GRPR: variants seen among roughly 807,000 people sequenced by gnomAD.
GRPR encodes gastrin-releasing peptide receptor.
Under a neutral mutation model 15.6 loss-of-function variants are expected in GRPR, and 4 were observed. That is an observed-to-expected ratio of 0.26 (90% CI 0.13 to 0.59). The LOEUF is 0.59. Ranked by LOEUF, GRPR falls within the 20% of genes least tolerant of loss-of-function variation. GRPR has a pLI of 0.90. For missense variants in GRPR, 270 were observed against 304.1 expected (o/e 0.89, Z 0.83); for synonymous variants, 128 against 126.8 (o/e 1.01, Z -0.06).
Position 16,150,605 on chromosome X carries a change from C to T in GRPR, c.714C>T (p.Ile238=), listed in dbSNP as rs1225246389. ...VYYYFIAKNL[I]QSAYNLPVEG... is the part of the protein sequence containing the mutation. ...ACTACTTCATTGCTAAAAATCTGAT[C>T]CAGAGTGCTTACAATCTTCCCGTGG... is the stretch of plus-strand genomic sequence containing the variant. Residue 238 remains isoleucine, a synonymous_variant, in exon 2 of 3, where the codon ATC becomes ATT. Coordinates refer to ENST00000380289, the MANE Select transcript of GRPR (RefSeq NM_005314.3). 4.2e-6 allele frequency: 5 copies of T among 1,197,497 alleles called. No homozygotes were observed. The highest frequency in any genetic ancestry group is 5.9e-5 in the East Asian group (2 of 33,816).
intron 1 of GRPR, among the ~76,000 whole-genome samples, chrX:16,130,145 C>G (rs1922356354): frequency 8.9e-6 from 1 of 111,819 alleles, no homozygotes; most frequent in South Asian, 3.8e-4. Context: ...CAAATCTATC[C>G]TGTACTACTA....
chrX:16,152,694 G>C lies in GRPR; in HGVS notation c.*49G>C, dbSNP rs777508362. 9.3e-7 allele frequency: 1 copy of C among 1,074,338 alleles called. No homozygotes were observed. The allele number at this position is 1,074,338 out of a possible 1,213,427, so 88.5% of individuals were successfully genotyped here. On this transcript the variant is annotated 3_prime_UTR_variant, in exon 3 of 3. Transcript: ENST00000380289. Reference sequence around the variant, plus strand: ...GAGGGACGGTTTTGCTTTATGGCTAGACAGGAACCCTTGCATCCATTGTTG... The same window carrying C: ...GAGGGACGGTTTTGCTTTATGGCTACACAGGAACCCTTGCATCCATTGTTG...
At chrX:16,138,720 A>G (rs752035061) in intron 1 of GRPR, among the ~76,000 whole-genome samples, 47 of 111,325 alleles carry the variant, frequency 4.2e-4, no homozygotes, top group Non-Finnish European at 8.1e-4. Flanking sequence ...TCTTTTTAAA[A>G]TTGTACTGGG....
intron 2 of GRPR, among the ~76,000 whole-genome samples, chrX:16,151,740 G>C (rs1434273085): frequency 8.9e-6 from 1 of 112,078 alleles, no homozygotes; most frequent in Non-Finnish European, 1.9e-5. Flanking sequence ...TAATAATAGA[G>C]AGTTATCTTG....
intron 1 of GRPR, among the ~76,000 whole-genome samples, chrX:16,149,652 A>G (rs902644715): frequency 2.2e-3 from 237 of 107,781 alleles, no homozygotes; most frequent in Non-Finnish European, 3.4e-3. Flanking sequence ...TGCCAAAAAA[A>G]AAAAAAAAAA....
intron 1 of GRPR, among the ~76,000 whole-genome samples, chrX:16,128,371 C>T (rs923659465): frequency 2.7e-5 from 3 of 110,579 alleles, no homozygotes; most frequent in Non-Finnish European, 5.7e-5. Context: ...AAAAATTAGC[C>T]GGGTGTGGTG....
Position 16,152,733 on chromosome X carries a change from C to A in GRPR, c.*88C>A. The A allele has an allele frequency of 5.5e-5, 44 of 793,295 alleles. No individual in the cohort carries two copies. Among genetic ancestry groups the A allele is most frequent in the Non-Finnish European group, 8.1e-5 (42 of 520,147 alleles). 65.4% of individuals were successfully genotyped at this position (793,295 alleles called of 1,213,427 possible). On this transcript the variant is annotated 3_prime_UTR_variant, in exon 3 of 3. Coordinates refer to ENST00000380289, the MANE Select transcript of GRPR (RefSeq NM_005314.3). ...CATCCATTGTTGTGTCTGTGCCCTC[C>A]AAAGAGCCTTCAGAATGCTCCTGAG...
At chrX:16,146,520 A>G (rs1171819770) in intron 1 of GRPR, among the ~76,000 whole-genome samples, 1 of 111,633 alleles carries the variant, frequency 9.0e-6, no homozygotes, top group African/African-American at 3.3e-5. Context: ...TTATATTTCC[A>G]GCATCTATTA....
At chrX:16,146,726 G>A (rs1922611199) in intron 1 of GRPR, among the ~76,000 whole-genome samples, 1 of 111,953 alleles carries the variant, frequency 8.9e-6, no homozygotes, top group African/African-American at 3.2e-5. Flanking sequence ...TAGGCCAGAA[G>A]AGGAAATAGA....
intron 1 of GRPR, among the ~76,000 whole-genome samples, chrX:16,139,470 T>TG (rs1051218660): frequency 3.6e-5 from 4 of 111,793 alleles, no homozygotes; most frequent in African/African-American, 9.7e-5. Context: ...GATTTTTTTT[T>TG]TTTTTACTTG....
intron 1 of GRPR, among the ~76,000 whole-genome samples, chrX:16,148,844 T>C (rs1922646052): frequency 9.0e-6 from 1 of 110,956 alleles, no homozygotes. Context: ...GTATGGGGAG[T>C]GTGCAGACAT....
rs185468397 is a variant in GRPR, at chrX:16,131,616, A to G, written c.413+7250A>G. ...ATTCTATCATGCCCCTTTGTAATCT[A>G]TCTCCTTCCTCCACCTACAGATCCT... is the stretch of plus-strand genomic sequence containing the variant. On this transcript the variant is annotated intron_variant, in intron 1 of 2. Transcript: ENST00000380289. Among the ~76,000 whole-genome samples the G allele has an allele frequency of 1.8e-4, 20 of 112,084 alleles. No homozygotes were observed. The East Asian group carries it at 4.7e-3, about 27-fold the overall frequency.
At chrX:16,148,978 G>A (rs1922647539) in intron 1 of GRPR, among the ~76,000 whole-genome samples, 1 of 112,023 alleles carries the variant, frequency 8.9e-6, no homozygotes, top group South Asian at 3.8e-4. Context: ...CTGTGGTCAT[G>A]TTCTTTTGGG....
chrX:16,127,305 T>C (rs1922308554), intron 1 of GRPR, among the ~76,000 whole-genome samples: 1 of 111,562 alleles, frequency 9.0e-6, no homozygotes, highest in African/African-American at 3.3e-5. Context: ...GAAAAGAATA[T>C]CAAGTTTCTA....
chrX:16,145,641 TAA>T (rs1382646285), intron 1 of GRPR, among the ~76,000 whole-genome samples: 5 of 112,077 alleles, frequency 4.5e-5, no homozygotes, highest in East Asian at 2.8e-4. Flanking sequence ...TTAAAATAAC[TAA>T]AAGAGTATAA....
At chrX:16,127,713 T>C (rs369086931) in intron 1 of GRPR, among the ~76,000 whole-genome samples, 2 of 112,186 alleles carry the variant, frequency 1.8e-5, no homozygotes. Flanking sequence ...CACTTAACTC[T>C]CTGACCTTAG....
chrX:16,131,936 T>C (rs1410646145), intron 1 of GRPR, among the ~76,000 whole-genome samples: 2 of 112,297 alleles, frequency 1.8e-5, no homozygotes, highest in Non-Finnish European at 3.8e-5. Context: ...TATCATCCAG[T>C]ATTATTTTCT....
chrX:16,152,961 T>C lies in GRPR; in HGVS notation c.*316T>C, dbSNP rs1476649136. 3.4e-6 allele frequency: 1 copy of C among 296,399 alleles called. No homozygotes were observed. The highest frequency in any genetic ancestry group is 2.6e-5 in the African/African-American group (1 of 37,910). The allele number at this position is 296,399 out of a possible 1,213,427, so 24.4% of individuals were successfully genotyped here. A position where few individuals can be genotyped will look rare whatever the true frequency, so the allele number is the denominator to read the frequency against. ...TAAATGGTCGTGGCCAATTATGTCA[T>C]AGAAACTGTATGAACAACCAGATTT... is the stretch of plus-strand genomic sequence containing the variant. On this transcript the variant is annotated 3_prime_UTR_variant, in exon 3 of 3. Transcript: ENST00000380289.
At chrX:16,149,053 T>G (rs1350280745) in intron 1 of GRPR, among the ~76,000 whole-genome samples, 1 of 112,028 alleles carries the variant, frequency 8.9e-6, no homozygotes, top group Non-Finnish European at 1.9e-5. Flanking sequence ...GGTGACCCCA[T>G]GCAATGACTA....
Sources: gnomAD v4.1 joint callset for allele counts (sites outside exome capture counted in the v4.1 genomes callset) on GRCh38, gnomAD v4.1.1 for gene constraint, MANE v1.5 for transcripts, NCBI Gene and HGNC (gene_info 2026-07-23, HGNC 2026-07-21) for gene names.